PRDM16: variants seen among roughly 807,000 people sequenced by gnomAD.
PRDM16 encodes the protein PR/SET domain 16.
In PRDM16, 23 loss-of-function variants were observed where a neutral mutation model predicts 110.6. That is an observed-to-expected ratio of 0.21 (90% CI 0.15 to 0.29). The LOEUF (loss-of-function observed/expected upper bound fraction) is 0.29. Among genes scored for constraint, PRDM16 ranks in the 10% least tolerant of loss-of-function variants. The probability of loss-of-function intolerance (pLI) is 1.00; values close to 1 mark genes in which losing one functional copy is unlikely to be tolerated. For missense variants in PRDM16, 1,615 were observed against 1,794.3 expected, an observed-to-expected ratio of 0.90 and a Z score of 1.81; for synonymous variants, 799 against 781.8, an observed-to-expected ratio of 1.02 and a Z score of -0.37.
rs574444112 is a variant in PRDM16 at position 3,373,646 on chromosome 1, C to T, written c.439-11506C>T. Among the ~76,000 whole-genome samples the T allele has an allele frequency of 5.3e-5, 8 of 152,316 alleles. No homozygotes were observed. In the East Asian group the frequency reaches 5.8e-4, roughly 11 times the overall value. ...GGTCCCTCCCTGCAGGCAGGACAGA[C>T]GCGGGACCTGGAGCTTCTCTCCTGG... On this transcript the variant is annotated intron_variant, in intron 3 of 16. Coordinates refer to ENST00000270722, the MANE Select transcript of PRDM16 (RefSeq NM_022114.4).
At chr1:3,309,782 CT>C (rs1179946788) in intron 3 of PRDM16, 3 of 152,172 alleles carry the variant, frequency 2.0e-5, no homozygotes, top group African/African-American at 7.2e-5. Context: ...GAGCAGAGGG[CT>C]ACAGCCACTG....
intron 1 of PRDM16, among the ~76,000 whole-genome samples, chr1:3,101,376 G>T (rs577665278): frequency 2.6e-5 from 4 of 152,338 alleles, no homozygotes; most frequent in East Asian, 3.9e-4. Flanking sequence ...ATAAATCTTC[G>T]CGCTGTCACT....
At chr1:3,250,947 C>T (rs957032485) in intron 3 of PRDM16, among the ~76,000 whole-genome samples, 1 of 152,196 alleles carries the variant, frequency 6.6e-6, no homozygotes, top group Non-Finnish European at 1.5e-5. Flanking sequence ...TCCCCCATCT[C>T]GGGGTCCCTG....
intron 3 of PRDM16, among the ~76,000 whole-genome samples, chr1:3,365,961 TGC>T (rs1239961774): frequency 6.6e-5 from 10 of 151,082 alleles, no homozygotes; most frequent in Admixed American, 1.3e-4. Context: ...CATGCACACA[TGC>T]ACACACACGC....
rs1313287820 is a variant in PRDM16, at chr1:3,175,069, C to T, written c.38-11056C>T. On this transcript the variant is annotated intron_variant, in intron 1 of 16. Coordinates refer to ENST00000270722, the MANE Select transcript of PRDM16 (RefSeq NM_022114.4). The surrounding 1 kb of genome is among the most constrained non-coding windows in gnomAD (Gnocchi z 4.8). ...GTGGGACCAGCGGCCAAGGCTCCTC[C>T]TAGCACCATTTCCTGGAGTTACGAC... Among the ~76,000 whole-genome samples, 1 of 152,204 alleles carries T rather than the reference C, an allele frequency of 6.6e-6. No homozygotes were observed. The highest frequency in any genetic ancestry group is 1.5e-5 in the Non-Finnish European group (1 of 68,042).
chr1:3,235,088 G>A (rs1269362035), intron 2 of PRDM16, among the ~76,000 whole-genome samples: 1 of 152,206 alleles, frequency 6.6e-6, no homozygotes, highest in Non-Finnish European at 1.5e-5. Context: ...CCCTGGGATC[G>A]GCTCCACTGG....
rs1394359444 is a variant in PRDM16, at chr1:3,425,918, C to T, written c.3110-133C>T. The T allele has an allele frequency of 2.1e-5, 26 of 1,245,794 alleles. No individual in the cohort carries two copies. The highest frequency in any genetic ancestry group is 7.5e-5 in the South Asian group (5 of 66,664). The allele number at this position is 1,245,794 out of a possible 1,614,324, so 77.2% of individuals were successfully genotyped here. On this transcript the variant is annotated intron_variant, in intron 13 of 16. Coordinates refer to ENST00000270722, the MANE Select transcript of PRDM16 (RefSeq NM_022114.4). This position sits in a 1 kb window ranked among gnomAD's most constrained non-coding sequence, Gnocchi z 6.9. Reference sequence around the variant, plus strand: ...AAACCGTGGTCATTAAAGAGAACCTCGTGCTCTCCGGTGTCCCTAAGAAAC... The same window carrying T: ...AAACCGTGGTCATTAAAGAGAACCTTGTGCTCTCCGGTGTCCCTAAGAAAC...
At chr1:3,156,620 G>A (rs1311025281) in intron 1 of PRDM16, among the ~76,000 whole-genome samples, 1 of 152,112 alleles carries the variant, frequency 6.6e-6, no homozygotes, top group African/African-American at 2.4e-5. Flanking sequence ...TAACTGACAG[G>A]AACTGGGAAG....
chr1:3,294,209 G>A (rs1013809460), intron 3 of PRDM16, among the ~76,000 whole-genome samples: 12 of 152,168 alleles, frequency 7.9e-5, no homozygotes, highest in Non-Finnish European at 1.5e-5. Context: ...AGGTAAACAG[G>A]CAAAATCTTG....
rs2493267 is a variant in PRDM16 at position 3,436,220 on chromosome 1, A to G, written c.*2409A>G. 210,436 of 228,696 alleles carry G rather than the reference A, an allele frequency of 0.92. 97,405 individuals are homozygous for G. Among genetic ancestry groups the G allele is most frequent in the Middle Eastern group, 0.98 (760 of 772 alleles). 14.2% of individuals were successfully genotyped at this position (228,696 alleles called of 1,614,324 possible). On this transcript the variant is annotated 3_prime_UTR_variant, in exon 17 of 17. Transcript: ENST00000270722. ...TGTGCTTTTTTTTTTTTGCAATATGACCCCGTCTCTCTGAAGTGGGACATT... is the reference window on the plus strand; with the variant it reads ...TGTGCTTTTTTTTTTTTGCAATATGGCCCCGTCTCTCTGAAGTGGGACATT...
intron 3 of PRDM16, among the ~76,000 whole-genome samples, chr1:3,376,760 G>A (rs913947336): frequency 3.2e-5 from 4 of 123,454 alleles, no homozygotes; most frequent in Non-Finnish European, 3.2e-5. Flanking sequence ...ATCCTCCTTC[G>A]TTTCCTCTCC....
In PRDM16 at chr1:3,155,147, G is replaced by A. The variant is rs1267983808; in HGVS notation, c.38-30978G>A. 2.6e-5 allele frequency among the ~76,000 whole-genome samples: 4 copies of A among 152,330 alleles called. No homozygotes were observed. In the East Asian group the frequency reaches 5.8e-4, roughly 22 times the overall value. Reference sequence around the variant, plus strand: ...AGTCTTCCTTAGGGACCCCAGATTGGAGAGAGGCTGCCGTCCTGCGGACCT... The same window carrying A: ...AGTCTTCCTTAGGGACCCCAGATTGAAGAGAGGCTGCCGTCCTGCGGACCT... On this transcript the variant is annotated intron_variant, in intron 1 of 16. Coordinates refer to ENST00000270722, the MANE Select transcript of PRDM16 (RefSeq NM_022114.4).
intron 3 of PRDM16, among the ~76,000 whole-genome samples, chr1:3,368,705 C>G (rs930844557): frequency 9.2e-5 from 14 of 152,170 alleles, no homozygotes; most frequent in Non-Finnish European, 1.5e-4. Flanking sequence ...TTCTTCTTTT[C>G]CCATGAGTTT....
intron 1 of PRDM16, among the ~76,000 whole-genome samples, chr1:3,171,168 G>A (rs986166086): frequency 2.0e-5 from 3 of 152,242 alleles, no homozygotes; most frequent in East Asian, 1.9e-4. Flanking sequence ...GTTTACTTGC[G>A]GCGTGACTTG....
At chr1:3,385,391 T>C (rs1430853246) in intron 4 of PRDM16, 105 bp downstream of exon 4, 14 of 1,288,056 alleles carry the variant, frequency 1.1e-5, no homozygotes, top group South Asian at 7.6e-5. Flanking sequence ...CTGAGCCTCT[T>C]TGGGGACATC....
Position 3,244,098 on chromosome 1 carries a change from G to A in PRDM16, c.399G>A (p.Thr133=), listed in dbSNP as rs368785625. 2.8e-5 allele frequency: 45 copies of A among 1,613,914 alleles called. 1 individual carries two copies. Among genetic ancestry groups the A allele is most frequent in the African/African-American group, 1.3e-4 (10 of 75,048 alleles). ...AAATTGTTTTGCAGCAAATACTGACGGACGTGGAAGTGTCGCCCCAGGAAG... is the reference window on the plus strand; with the variant it reads ...AAATTGTTTTGCAGCAAATACTGACAGACGTGGAAGTGTCGCCCCAGGAAG... The part of the protein sequence containing the change: ...ETDFGWEQIL[T]DVEVSPQEGC... Residue 133 remains threonine, a synonymous_variant, in exon 3 of 17, where the codon ACG becomes ACA. Coordinates refer to ENST00000270722, the MANE Select transcript of PRDM16 (RefSeq NM_022114.4). The surrounding 1 kb of genome is among the most constrained non-coding windows in gnomAD (Gnocchi z 4.1).
intron 1 of PRDM16, among the ~76,000 whole-genome samples, chr1:3,074,005 C>T (rs1438274572): frequency 6.6e-6 from 1 of 152,168 alleles, no homozygotes. Flanking sequence ...GAGCGCGCGC[C>T]GCCTGGGTTT....
intron 11 of PRDM16, 45 bp from the exon 12 acceptor site, chr1:3,418,622 C>A: frequency 7.5e-7 from 1 of 1,330,266 alleles, no homozygotes; most frequent in Non-Finnish European, 1.1e-6. Flanking sequence ...GCCATGTAAG[C>A]CCACCCTAAT....
chr1:3,349,015 C>T (rs1274158401), intron 3 of PRDM16, among the ~76,000 whole-genome samples: 1 of 151,902 alleles, frequency 6.6e-6, no homozygotes, highest in Non-Finnish European at 1.5e-5. Flanking sequence ...TGTGCTCCTG[C>T]CTTTGGTGGG....
Sources: allele counts gnomAD v4.1 joint callset (sites outside exome capture counted in the v4.1 genomes callset), GRCh38; gene constraint gnomAD v4.1.1; non-coding constraint Gnocchi (gnomAD v3.1); transcripts MANE v1.5; gene names NCBI Gene and HGNC (gene_info 2026-07-23, HGNC 2026-07-21).